The following LYPD6 variants were observed in gnomAD, a reference collection of about 807,000 sequenced individuals.
The protein encoded by LYPD6 is LY6/PLAUR domain containing 6, also known as ly6/PLAUR domain-containing protein 6.
Under a neutral mutation model 22.7 loss-of-function variants are expected in LYPD6, and 15 were observed. The observed-to-expected ratio is 0.66, with a 90% CI of 0.44 to 1.02. LYPD6 has a LOEUF of 1.02. Among genes scored for constraint, LYPD6 ranks in the 50% least tolerant of loss-of-function variants. The pLI, the probability that LYPD6 is intolerant of heterozygous loss-of-function variation, is 0.00. For missense variants in LYPD6, 189 were observed against 208.4 expected (o/e 0.91, Z 0.57); for synonymous variants, 72 against 77.5 (o/e 0.93, Z 0.37).
the LYPD6 span, among the ~76,000 whole-genome samples, chr2:149,483,367 C>G: frequency 1.3e-5 from 2 of 152,210 alleles, no homozygotes; most frequent in African/African-American, 2.4e-5. Context: ...ACTCTCTAAT[C>G]TATGTTGATT....
At chr2:149,409,072 T>C (rs1479808587) in intron 1 of LYPD6, among the ~76,000 whole-genome samples, 1 of 152,196 alleles carries the variant, frequency 6.6e-6, no homozygotes, top group Non-Finnish European at 1.5e-5. Flanking sequence ...AGGGCTGCTG[T>C]TCAGATTCTT....
chr2:149,460,767 T>C (rs1681070610), intron 3 of LYPD6, among the ~76,000 whole-genome samples: 1 of 152,024 alleles, frequency 6.6e-6, no homozygotes, highest in East Asian at 1.9e-4. Context: ...CTTTTAAAAA[T>C]TGAAATCATA....
At chr2:149,361,014 T>A (rs1399110606) in intron 1 of LYPD6, among the ~76,000 whole-genome samples, 1 of 152,216 alleles carries the variant, frequency 6.6e-6, no homozygotes, top group Admixed American at 6.5e-5. Context: ...TTATAGTTCT[T>A]AGTTGGGGTG....
At chr2:149,378,321 T>C (rs1681978451) in intron 1 of LYPD6, among the ~76,000 whole-genome samples, 2 of 152,140 alleles carry the variant, frequency 1.3e-5, no homozygotes, top group Admixed American at 1.3e-4. Context: ...TTTCGCCATG[T>C]TGCCCAGGCT....
At chr2:149,407,717 CCTT>C (rs1359662143) in intron 1 of LYPD6, among the ~76,000 whole-genome samples, 4 of 152,180 alleles carry the variant, frequency 2.6e-5, no homozygotes, top group Non-Finnish European at 5.9e-5. Context: ...TCATCTGAAG[CCTT>C]CTTCTCTCAA....
chr2:149,458,710 TA>T (rs1469572834), intron 3 of LYPD6, among the ~76,000 whole-genome samples: 2 of 152,178 alleles, frequency 1.3e-5, no homozygotes, highest in African/African-American at 4.8e-5. Context: ...AACAAATTTT[TA>T]AAATCTCATC....
At chr2:149,343,839 A>C (rs1681205477) in intron 1 of LYPD6, among the ~76,000 whole-genome samples, 1 of 152,160 alleles carries the variant, frequency 6.6e-6, no homozygotes, top group South Asian at 2.1e-4. Flanking sequence ...TAAGATCAGC[A>C]CTTCCAAAGG....
chr2:149,388,843 C>T (rs1242106545), intron 1 of LYPD6, among the ~76,000 whole-genome samples: 1 of 152,134 alleles, frequency 6.6e-6, no homozygotes, highest in Middle Eastern at 3.2e-3. Flanking sequence ...GTTAATAGTA[C>T]TATGACTTAG....
chr2:149,389,102 TA>T (rs1314833104), intron 1 of LYPD6, among the ~76,000 whole-genome samples: 1 of 152,090 alleles, frequency 6.6e-6, no homozygotes, highest in African/African-American at 2.4e-5. Context: ...ACTAGAAGGT[TA>T]AAAAAAACCC....
intron 1 of LYPD6, among the ~76,000 whole-genome samples, chr2:149,431,924 T>C (rs981953184): frequency 2.0e-5 from 3 of 152,088 alleles, no homozygotes; most frequent in African/African-American, 7.2e-5. Flanking sequence ...TTAGATAATA[T>C]TCAGGCAAAA....
chr2:149,465,623 A>G (rs1020027552), intron 3 of LYPD6, among the ~76,000 whole-genome samples: 2 of 152,190 alleles, frequency 1.3e-5, no homozygotes, highest in African/African-American at 2.4e-5. Context: ...CTCAATTCAA[A>G]TCATCTTATG....
At chr2:149,466,257 T>C (rs779939837) in intron 3 of LYPD6, among the ~76,000 whole-genome samples, 3 of 152,200 alleles carry the variant, frequency 2.0e-5, no homozygotes, top group Non-Finnish European at 2.9e-5. Flanking sequence ...TCGAGTTTAT[T>C]TGAGCATTTT....
In LYPD6 at chr2:149,371,191, A is replaced by G. The variant is rs977268918; in HGVS notation, c.-72+40469A>G. 8.5e-5 allele frequency among the ~76,000 whole-genome samples: 13 copies of G among 152,290 alleles called. No homozygotes were observed. In the South Asian group the frequency reaches 2.5e-3, roughly 29 times the overall value. ...GGTGATTCTTGGTTGCATGAACAGT[A>G]TAGGGCTGGGATCCTGTGCAAGATG... On this transcript the variant is annotated intron_variant, in intron 1 of 4. Coordinates refer to ENST00000334166, the MANE Select transcript of LYPD6 (RefSeq NM_194317.5).
intron 1 of LYPD6, among the ~76,000 whole-genome samples, chr2:149,413,131 T>C (rs889828622): frequency 6.6e-6 from 1 of 152,210 alleles, no homozygotes; most frequent in East Asian, 1.9e-4. Flanking sequence ...CCATCTGCAG[T>C]TGGCCTTTTC....
At chr2:149,399,918 T>C (rs1682514819) in intron 1 of LYPD6, among the ~76,000 whole-genome samples, 1 of 152,174 alleles carries the variant, frequency 6.6e-6, no homozygotes, top group Non-Finnish European at 1.5e-5. Flanking sequence ...GTTGTTGCTT[T>C]ATTTGGATGC....
In LYPD6 at chr2:149,450,131, T is replaced by C. The variant is rs185082710; in HGVS notation, c.217+984T>C. 9.2e-4 allele frequency among the ~76,000 whole-genome samples: 140 copies of C among 152,296 alleles called. 1 individual carries two copies. Among genetic ancestry groups the C allele is most frequent in the Non-Finnish European group, 8.8e-5 (6 of 68,032 alleles). On this transcript the variant is annotated intron_variant, in intron 3 of 4. Transcript: ENST00000334166. ...ACCTAGTGTGTCCAGTAGAAACACC[T>C]GTGGAATTTTTCAAAGAAATCACTG...
Position 149,468,132 on chromosome 2 carries a change from AACACACACACACACACAC to A in LYPD6, c.218-474_218-457del, listed in dbSNP as rs58309346. On this transcript the variant is annotated intron_variant, in intron 3 of 4. Transcript: ENST00000334166. ...CTCTTGTGAATAGCTGCTTCCCCCC[AACACACACACACACACAC>A]ACACACACACACACACACACACACA... Among the ~76,000 whole-genome samples, 86 of 114,716 alleles carry A rather than the reference AACACACACACACACACAC, an allele frequency of 7.5e-4. No homozygotes were observed. In the East Asian group the frequency reaches 7.7e-3, roughly 10 times the overall value. The allele number at this position is 114,716 out of a possible 152,430, so 75.3% of individuals were successfully genotyped here.
At chr2:149,455,292 T>G (rs1225156211) in intron 3 of LYPD6, among the ~76,000 whole-genome samples, 1 of 149,906 alleles carries the variant, frequency 6.7e-6, no homozygotes, top group Non-Finnish European at 1.5e-5. Flanking sequence ...AGAGTCTTGC[T>G]GTATTGCCCA....
chr2:149,355,156 A>G (rs1290990933), intron 1 of LYPD6, among the ~76,000 whole-genome samples: 1 of 152,230 alleles, frequency 6.6e-6, no homozygotes, highest in African/African-American at 2.4e-5. Context: ...TTAATATTGC[A>G]GGCTCATAGA....
Sources: allele counts gnomAD v4.1 joint callset (sites outside exome capture counted in the v4.1 genomes callset), GRCh38; gene constraint gnomAD v4.1.1; transcripts MANE v1.5; gene names NCBI Gene and HGNC (gene_info 2026-07-23, HGNC 2026-07-21).